PCDH15: variants seen among roughly 807,000 people sequenced by gnomAD.
PCDH15 encodes the protein protocadherin related 15.
PCDH15 carries 129 observed loss-of-function variants against 178.5 expected under a neutral mutation model. The observed-to-expected ratio is 0.72, with a 90% CI of 0.63 to 0.84. The LOEUF is 0.84. PCDH15 is among the 40% of genes least tolerant of loss of function. The probability of loss-of-function intolerance (pLI) is 0.00; values close to 1 mark genes in which losing one functional copy is unlikely to be tolerated. For synonymous variants in PCDH15, 800 were observed against 732.0 expected, an observed-to-expected ratio of 1.09 and a Z score of -1.50; for missense variants, 2,230 against 2,099.9, an observed-to-expected ratio of 1.06 and a Z score of -1.21.
chr10:54,161,738 C>T (rs973732528), intron 13 of PCDH15, among the ~76,000 whole-genome samples: 2 of 152,064 alleles, frequency 1.3e-5, no homozygotes, highest in East Asian at 3.9e-4. Context: ...AGATGCCAGA[C>T]CTCTCATCCA....
At chr10:55,582,628 A>ATATATATATATTTTTTTTTTT (rs780312007) in intron 2 of PCDH15, among the ~76,000 whole-genome samples, 1 of 69,042 alleles carries the variant, frequency 1.4e-5, no homozygotes, top group African/African-American at 6.6e-5. Flanking sequence ...ATATATATAT[A>ATATATATATATTTTTTTTTTT]TTTTTTTTTT....
chr10:54,925,714 G>A (rs1321728154), intron 2 of PCDH15, among the ~76,000 whole-genome samples: 3 of 152,118 alleles, frequency 2.0e-5, no homozygotes, highest in African/African-American at 4.8e-5. Context: ...AGTTGTGAAT[G>A]GGATTGCATT....
chr10:55,175,077 G>A (rs1003318769), intron 1 of PCDH15, among the ~76,000 whole-genome samples: 2 of 152,042 alleles, frequency 1.3e-5, no homozygotes, highest in Non-Finnish European at 2.9e-5. Context: ...GAAAGGGGAA[G>A]AACCTTATCC....
intron 2 of PCDH15, among the ~76,000 whole-genome samples, chr10:55,517,109 T>C (rs1841032214): frequency 6.6e-6 from 1 of 151,798 alleles, no homozygotes; most frequent in Non-Finnish European, 1.5e-5. Context: ...AGAATATAAA[T>C]AAAGAGGTTG....
At chr10:55,198,052 AT>A (rs1840143521) in intron 1 of PCDH15, among the ~76,000 whole-genome samples, 1 of 152,144 alleles carries the variant, frequency 6.6e-6, no homozygotes, top group East Asian at 1.9e-4. Flanking sequence ...GGATGGATAG[AT>A]ATAGATAGAT....
chr10:54,426,605 C>A (rs1298764991), intron 3 of PCDH15, among the ~76,000 whole-genome samples: 1 of 152,122 alleles, frequency 6.6e-6, no homozygotes, highest in Non-Finnish European at 1.5e-5. Flanking sequence ...TCTCTCATGG[C>A]CTGTCTTTCA....
At chr10:54,958,204 A>G (rs372070472) in intron 2 of PCDH15, among the ~76,000 whole-genome samples, 3 of 151,570 alleles carry the variant, frequency 2.0e-5, no homozygotes, top group South Asian at 2.1e-4. Flanking sequence ...TCTTCCATGT[A>G]TATGTGAAGT....
chr10:55,321,662 T>C (rs1169272007), upstream of PCDH15, among the ~76,000 whole-genome samples: 1 of 152,182 alleles, frequency 6.6e-6, no homozygotes, highest in Non-Finnish European at 1.5e-5. Context: ...GACCTTTCAG[T>C]GGAAACCCTA....
intron 5 of PCDH15, among the ~76,000 whole-genome samples, chr10:54,353,383 G>A (rs1944460723): frequency 2.6e-5 from 4 of 152,090 alleles, no homozygotes; most frequent in Admixed American, 2.6e-4. Flanking sequence ...ATTAACTTAT[G>A]AAGGTACAAT....
chr10:55,067,550 G>C (rs751175842), intron 2 of PCDH15, among the ~76,000 whole-genome samples: 11 of 151,646 alleles, frequency 7.3e-5, no homozygotes, highest in Non-Finnish European at 1.3e-4. Flanking sequence ...TGTGAGTGCA[G>C]GTTTCTCTTT....
chr10:55,476,558 C>G (rs1840066095), intron 2 of PCDH15, among the ~76,000 whole-genome samples: 1 of 151,576 alleles, frequency 6.6e-6, no homozygotes, highest in Admixed American at 6.6e-5. Context: ...TATAATCTAC[C>G]CAAAGAAAGA....
At chr10:55,223,621 C>A (rs1840947032) in intron 1 of PCDH15, among the ~76,000 whole-genome samples, 1 of 152,098 alleles carries the variant, frequency 6.6e-6, no homozygotes, top group Admixed American at 6.5e-5. Context: ...TTGGAAACAT[C>A]TTCATAATAG....
intron 23 of PCDH15, among the ~76,000 whole-genome samples, chr10:53,958,099 T>C (rs2660167): frequency 0.015 from 2,349 of 152,288 alleles, 57 homozygotes; most frequent in African/African-American, 0.053. Flanking sequence ...CCTCAGTACC[T>C]TAGCTGCTGT....
At chr10:55,483,873 A>G (rs1840239644) in intron 2 of PCDH15, among the ~76,000 whole-genome samples, 3 of 151,418 alleles carry the variant, frequency 2.0e-5, no homozygotes, top group Non-Finnish European at 4.4e-5. Context: ...CTGCAGAACT[A>G]TTCACAATAG....
intron 3 of PCDH15, among the ~76,000 whole-genome samples, chr10:54,841,251 A>T (rs538590349): frequency 6.6e-6 from 1 of 152,010 alleles, no homozygotes; most frequent in Non-Finnish European, 1.5e-5. Flanking sequence ...ACTAAAAATC[A>T]ACAAAAGGAG....
At chr10:54,594,110 A>G (rs1173391309) in intron 2 of PCDH15, among the ~76,000 whole-genome samples, 1 of 152,124 alleles carries the variant, frequency 6.6e-6, no homozygotes, top group African/African-American at 2.4e-5. Flanking sequence ...TGAGTTGAAC[A>G]GAAATGAGCA....
At chr10:54,941,596 C>G (rs1838064587) in intron 2 of PCDH15, among the ~76,000 whole-genome samples, 2 of 152,000 alleles carry the variant, frequency 1.3e-5, no homozygotes, top group African/African-American at 4.8e-5. Flanking sequence ...CTGTTTTTGT[C>G]ATTGTTTTGT....
rs80229227 is a variant in PCDH15, at chr10:54,826,858, A to G, written c.-29+70592T>C. ...TATTACTAACTACTATTCCCTCCCT[A>G]GAAGGTATCAAAAATTGTTCCTAAC... On this transcript the variant is annotated intron_variant, in intron 3 of 5. Coordinates refer to the PCDH15 transcript ENST00000458638. 6.6e-3 allele frequency among the ~76,000 whole-genome samples: 1,003 copies of G among 152,204 alleles called. 13 individuals carry two copies. Among genetic ancestry groups the G allele is most frequent in the African/African-American group, 0.023 (964 of 41,564 alleles).
In PCDH15 at chr10:53,822,108, G is replaced by C. The variant is rs754865702; in HGVS notation, c.4368-1878C>G. ...GCCTTTTGGTTCTCTCTGAGGGTCT[G>C]TTTTACACACTGTCGTTGTTGATAG... On this transcript the variant is annotated intron_variant, in intron 32 of 37. Transcript: ENST00000644397. The C allele has an allele frequency of 1.1e-5, 18 of 1,613,640 alleles. No individual in the cohort carries two copies. The South Asian group carries it at 1.8e-4, about 16-fold the overall frequency.
Sources: allele counts gnomAD v4.1 joint callset (sites outside exome capture counted in the v4.1 genomes callset), GRCh38; gene constraint gnomAD v4.1.1; transcripts MANE v1.5; gene names NCBI Gene and HGNC (gene_info 2026-07-23, HGNC 2026-07-21).